The following SPIDR variants were observed in gnomAD, a reference collection of about 807,000 sequenced individuals.
The protein encoded by SPIDR is scaffold protein involved in DNA repair.
In SPIDR, 93 loss-of-function variants were observed where a neutral mutation model predicts 104.6. The observed-to-expected ratio is 0.89, with a 90% CI of 0.75 to 1.06. The LOEUF (loss-of-function observed/expected upper bound fraction) is 1.06, where lower values mean the gene tolerates loss of function less well. SPIDR is among the 50% of genes least tolerant of loss of function. The pLI is 0.00. For missense variants in SPIDR, 1,154 were observed against 1,111.2 expected (o/e 1.04, Z -0.55); for synonymous variants, 431 against 416.9 (o/e 1.03, Z -0.41).
Position 47,599,128 on chromosome 8 carries a change from T to G in SPIDR, c.1476T>G (p.Leu492=). 6.2e-7 allele frequency: 1 copy of G among 1,613,274 alleles called. No homozygotes were observed. Among genetic ancestry groups the G allele is most frequent in the South Asian group, 1.1e-5 (1 of 90,930 alleles). The change falls in exon 10 of 20, where the codon CTT becomes CTG. Residue 492 remains leucine, a synonymous_variant. Coordinates refer to ENST00000297423, the MANE Select transcript of SPIDR (RefSeq NM_001080394.4). ...VRVVVQRVYS[L]PSRDSTRGQQ... Reference sequence around the variant, plus strand: ...TGGTGGTGCAAAGAGTGTATTCTCTTCCCAGCAGAGACAGCACCAGGGGTC... The same window carrying G: ...TGGTGGTGCAAAGAGTGTATTCTCTGCCCAGCAGAGACAGCACCAGGGGTC...
At chr8:47,324,465 T>TA (rs1198785948) in intron 5 of SPIDR, among the ~76,000 whole-genome samples, 3 of 152,200 alleles carry the variant, frequency 2.0e-5, no homozygotes, top group African/African-American at 4.8e-5. Flanking sequence ...TCAAGACAAA[T>TA]TGACAAGTAT....
At chr8:47,647,833 A>G (rs2070822280) in intron 10 of SPIDR, among the ~76,000 whole-genome samples, 1 of 152,184 alleles carries the variant, frequency 6.6e-6, no homozygotes, top group African/African-American at 2.4e-5. Context: ...AGTCATGTAA[A>G]TGTGTAGGGA....
At chr8:47,607,362 T>C (rs1377678918) in intron 10 of SPIDR, among the ~76,000 whole-genome samples, 1 of 152,178 alleles carries the variant, frequency 6.6e-6, no homozygotes, top group Non-Finnish European at 1.5e-5. Flanking sequence ...GCTGCCCATC[T>C]ATTCTTAACC....
chr8:47,521,713 C>T (rs1054955131), intron 8 of SPIDR, among the ~76,000 whole-genome samples: 12 of 151,710 alleles, frequency 7.9e-5, no homozygotes, highest in Admixed American at 3.3e-4. Flanking sequence ...TGAGCCACCG[C>T]GCCTGGCCAC....
chr8:47,597,503 A>G (rs1232343212), intron 9 of SPIDR, among the ~76,000 whole-genome samples: 1 of 152,214 alleles, frequency 6.6e-6, no homozygotes, highest in Non-Finnish European at 1.5e-5. Flanking sequence ...TTTCGTCTCC[A>G]TCATAGTTTT....
At chr8:47,551,686 G>T (rs1024307789) in intron 8 of SPIDR, among the ~76,000 whole-genome samples, 2 of 151,826 alleles carry the variant, frequency 1.3e-5, no homozygotes, top group African/African-American at 4.8e-5. Flanking sequence ...TCTTGCTAGC[G>T]GTCTATCAAT....
At chr8:47,679,469 C>T (rs1315789269) in intron 11 of SPIDR, among the ~76,000 whole-genome samples, 7 of 148,724 alleles carry the variant, frequency 4.7e-5, no homozygotes, top group African/African-American at 1.0e-4. Flanking sequence ...CCCATCCGCT[C>T]CTGTGCTGGC....
intron 10 of SPIDR, among the ~76,000 whole-genome samples, chr8:47,646,871 A>G (rs1311631724): frequency 6.6e-6 from 1 of 152,184 alleles, no homozygotes; most frequent in Non-Finnish European, 1.5e-5. Flanking sequence ...ATAGTTATTT[A>G]TCTTGAAATG....
chr8:47,686,504 G>T (rs530651999), intron 11 of SPIDR, among the ~76,000 whole-genome samples: 1 of 152,264 alleles, frequency 6.6e-6, no homozygotes, highest in Admixed American at 6.5e-5. Context: ...TGTCACTAGA[G>T]TCACTCTATT....
intron 10 of SPIDR, among the ~76,000 whole-genome samples, chr8:47,659,074 A>G (rs770202955): frequency 3.3e-5 from 5 of 152,208 alleles, no homozygotes; most frequent in Non-Finnish European, 7.4e-5. Context: ...CCTGGGCAAC[A>G]TGGCCTAGCC....
intron 8 of SPIDR, among the ~76,000 whole-genome samples, chr8:47,544,255 T>C (rs1220493922): frequency 1.3e-5 from 2 of 152,238 alleles, no homozygotes; most frequent in African/African-American, 4.8e-5. Flanking sequence ...TTTGCTATTT[T>C]ATTGTGAAAT....
intron 4 of SPIDR, 119 bp downstream of exon 4, chr8:47,291,256 T>A: frequency 1.7e-6 from 1 of 586,616 alleles, no homozygotes; most frequent in Non-Finnish European, 2.9e-6. Flanking sequence ...TGTTAAATAT[T>A]GGATTTAATA....
At chr8:47,271,728 A>T (rs2154214895) in intron 1 of SPIDR, among the ~76,000 whole-genome samples, 1 of 152,150 alleles carries the variant, frequency 6.6e-6, no homozygotes, top group East Asian at 1.9e-4. Flanking sequence ...CCTCTCAGGG[A>T]CATTTTCTTT....
At chr8:47,506,747 T>G (rs2081546172) in intron 8 of SPIDR, among the ~76,000 whole-genome samples, 1 of 152,186 alleles carries the variant, frequency 6.6e-6, no homozygotes, top group African/African-American at 2.4e-5. Flanking sequence ...TGGCAGACAG[T>G]GAAGACAAAA....
intron 4 of SPIDR, among the ~76,000 whole-genome samples, chr8:47,292,846 A>G (rs1586456030): frequency 6.6e-6 from 1 of 151,968 alleles, no homozygotes; most frequent in East Asian, 1.9e-4. Context: ...GAATGGTGTG[A>G]TGGGCTCTTT....
At chr8:47,507,263 A>T (rs980809877) in intron 8 of SPIDR, among the ~76,000 whole-genome samples, 14 of 152,324 alleles carry the variant, frequency 9.2e-5, no homozygotes, top group African/African-American at 3.4e-4. Flanking sequence ...GTTGGGTCAG[A>T]TAGTCCATGA....
chr8:47,476,211 A>T (rs931047595), intron 8 of SPIDR, among the ~76,000 whole-genome samples: 2 of 152,148 alleles, frequency 1.3e-5, no homozygotes, highest in Non-Finnish European at 2.9e-5. Flanking sequence ...TGTTGTGTCT[A>T]CGCTCCAGGG....
At chr8:47,372,727 T>C (rs2058186394) in intron 5 of SPIDR, among the ~76,000 whole-genome samples, 1 of 152,178 alleles carries the variant, frequency 6.6e-6, no homozygotes, top group Admixed American at 6.5e-5. Context: ...TTTACAACTT[T>C]TTAAATTTTT....
At position 47,360,907 on chromosome 8, in the gene SPIDR, G is replaced by A. The variant is rs542926291; in HGVS notation, c.526-35469G>A. 114 of 985,408 alleles carry A rather than the reference G, an allele frequency of 1.2e-4. No individual in the cohort carries two copies. The African/African-American group carries it at 1.8e-3, about 16-fold the overall frequency. 61.0% of individuals were successfully genotyped at this position (985,408 alleles called of 1,614,324 possible). On this transcript the variant is annotated intron_variant, in intron 5 of 19. Transcript: ENST00000297423. ...TGCTTTGGTGCTGTTTGTGTTCATG[G>A]TAGGATAAGACTTTGATTCAACCAG... is the stretch of plus-strand genomic sequence containing the variant.
Sources: allele counts gnomAD v4.1 joint callset (sites outside exome capture counted in the v4.1 genomes callset), GRCh38; gene constraint gnomAD v4.1.1; transcripts MANE v1.5; gene names NCBI Gene and HGNC (gene_info 2026-07-23, HGNC 2026-07-21).